Variants in GTF2IRD1 observed in about 807,000 individuals in gnomAD.
GTF2IRD1 encodes general transcription factor II-I repeat domain-containing protein 1.
A neutral mutation model predicts 113.2 loss-of-function variants in GTF2IRD1; 26 were observed. The observed-to-expected ratio is 0.23, with a 90% CI of 0.17 to 0.32. The LOEUF (loss-of-function observed/expected upper bound fraction) is 0.32. Among genes scored for constraint, GTF2IRD1 ranks in the 10% least tolerant of loss-of-function variants. The pLI, the probability that GTF2IRD1 is intolerant of heterozygous loss-of-function variation, is 1.00. For missense variants in GTF2IRD1, 864 were observed against 1,280.8 expected (o/e 0.67, Z 4.97); for synonymous variants, 484 against 529.1 (o/e 0.91, Z 1.17).
intron 22 of GTF2IRD1, among the ~76,000 whole-genome samples, chr7:74,569,270 C>G (rs1357368129): frequency 1.3e-5 from 2 of 152,236 alleles, no homozygotes; most frequent in Non-Finnish European, 2.9e-5. Context: ...GTGCCAGACC[C>G]TGTGCTGTGG....
At chr7:74,545,250 A>G (rs1798853857) in intron 15 of GTF2IRD1, among the ~76,000 whole-genome samples, 1 of 152,102 alleles carries the variant, frequency 6.6e-6, no homozygotes, top group African/African-American at 2.4e-5. Context: ...GAGGGAGGCC[A>G]GGGTGAGGGT....
chr7:74,469,407 T>TC (rs1554331807), intron 1 of GTF2IRD1, among the ~76,000 whole-genome samples: 1 of 151,994 alleles, frequency 6.6e-6, no homozygotes, highest in South Asian at 2.1e-4. Flanking sequence ...CCTAAGAATC[T>TC]CCCCCCATTA....
intron 8 of GTF2IRD1, among the ~76,000 whole-genome samples, chr7:74,525,546 G>A (rs1417320282): frequency 6.6e-6 from 1 of 152,172 alleles, no homozygotes; most frequent in Non-Finnish European, 1.5e-5. Flanking sequence ...GAGCTCGAGA[G>A]TTCGAGACCA....
chr7:74,510,676 A>G (rs1417329074), intron 2 of GTF2IRD1, among the ~76,000 whole-genome samples: 1 of 152,126 alleles, frequency 6.6e-6, no homozygotes, highest in Non-Finnish European at 1.5e-5. Context: ...GCCTCATTTT[A>G]CGTGCTCAGT....
chr7:74,529,926 G>A lies in GTF2IRD1; in HGVS notation c.1274+9G>A. 1 of 1,606,984 alleles carries A rather than the reference G, an allele frequency of 6.2e-7. No homozygotes were observed. Among genetic ancestry groups the A allele is most frequent in the African/African-American group, 1.3e-5 (1 of 74,922 alleles). ...CACTTCATCATTAAGAGGTGCGGGT[G>A]GGGCTGGGCGCAGTGGCTCATGCCT... On this transcript the variant is annotated intron_variant, in intron 9 of 26. Transcript: ENST00000424337.
At chr7:74,496,418 AATGTGTGTGCATGTGTGTATGCATTTGAG>A (rs1795700187) in intron 1 of GTF2IRD1, among the ~76,000 whole-genome samples, 3 of 125,782 alleles carry the variant, frequency 2.4e-5, no homozygotes, top group South Asian at 2.6e-4. Context: ...TGTGGGTGTC[AATGTGTGTGCATGTGTGTATGCATTTGAG>A]TGTGGGTGTG....
chr7:74,519,773 T>C lies in GTF2IRD1; in HGVS notation c.916+54T>C, dbSNP rs1440087306. The C allele has an allele frequency of 4.6e-6, 6 of 1,306,156 alleles. No individual in the cohort carries two copies. In the Admixed American group the frequency reaches 6.6e-5, roughly 14 times the overall value. 80.9% of individuals were successfully genotyped at this position (1,306,156 alleles called of 1,614,324 possible). ...TAGGGGGTGGGACAGAGGTCACTCA[T>C]GCAGGGGACAGCCTCCCAGGGCAGG... On this transcript the variant is annotated intron_variant, in intron 6 of 26. Transcript: ENST00000424337.
At chr7:74,596,190 G>A (rs782544117) in intron 25 of GTF2IRD1, among the ~76,000 whole-genome samples, 60 of 151,846 alleles carry the variant, frequency 4.0e-4, no homozygotes, top group Non-Finnish European at 2.8e-4. Flanking sequence ...GGCCGGGCGC[G>A]GTGGCTCACG....
intron 4 of GTF2IRD1, among the ~76,000 whole-genome samples, chr7:74,517,090 C>T (rs1347851074): frequency 3.3e-5 from 5 of 151,798 alleles, no homozygotes; most frequent in African/African-American, 1.2e-4. Flanking sequence ...ATGGCATGAT[C>T]TCGGCTCATT....
chr7:74,471,091 C>T (rs1794055088), intron 1 of GTF2IRD1, among the ~76,000 whole-genome samples: 1 of 152,226 alleles, frequency 6.6e-6, no homozygotes, highest in East Asian at 1.9e-4. Flanking sequence ...AGGCGTGAGC[C>T]ACCGTGCCCG....
chr7:74,479,316 A>T (rs936647285), intron 1 of GTF2IRD1, among the ~76,000 whole-genome samples: 4 of 151,196 alleles, frequency 2.6e-5, no homozygotes, highest in Admixed American at 1.3e-4. Context: ...TGCCCTGCAC[A>T]CTCCAGCCAT....
At chr7:74,568,673 A>G (rs7809313) in intron 22 of GTF2IRD1, among the ~76,000 whole-genome samples, 87,878 of 151,912 alleles carry the variant, frequency 0.58, 25,840 homozygotes, top group South Asian at 0.65. Flanking sequence ...GAAGAAGAAA[A>G]AGAAAGAAAC....
intron 1 of GTF2IRD1, among the ~76,000 whole-genome samples, chr7:74,491,161 A>G (rs1554336573): frequency 1.3e-5 from 2 of 151,844 alleles, no homozygotes; most frequent in African/African-American, 4.8e-5. Flanking sequence ...CAAAAATTAG[A>G]TGGGCGTGGT....
Position 74,520,929 on chromosome 7 carries a change from C to T in GTF2IRD1, c.917-279C>T, listed in dbSNP as rs782371206. 1.3e-4 allele frequency among the ~76,000 whole-genome samples: 19 copies of T among 150,116 alleles called. No individual in the cohort carries two copies. In the South Asian group the frequency reaches 2.5e-3, roughly 20 times the overall value. ...CAAATATGTGGGCTGACCAGGGCTT[C>T]GAACTTATACATGTAAAACAAGTGT... On this transcript the variant is annotated intron_variant, in intron 6 of 26. Transcript: ENST00000424337.
intron 22 of GTF2IRD1, among the ~76,000 whole-genome samples, chr7:74,567,096 G>C (rs1800366868): frequency 6.6e-6 from 1 of 152,180 alleles, no homozygotes. Context: ...TTGGGAGGCT[G>C]AGGCAGGCGG....
chr7:74,529,435 C>G (rs1015368673), intron 8 of GTF2IRD1, among the ~76,000 whole-genome samples: 1 of 151,782 alleles, frequency 6.6e-6, no homozygotes, highest in Non-Finnish European at 1.5e-5. Flanking sequence ...ATTTTACTTT[C>G]TGCAGAGATG....
At chr7:74,562,447 CT>C (rs1554359349) in intron 22 of GTF2IRD1, among the ~76,000 whole-genome samples, 1 of 151,898 alleles carries the variant, frequency 6.6e-6, no homozygotes, top group Non-Finnish European at 1.5e-5. Context: ...CCTTCACTTC[CT>C]TACCGCCAAG....
intron 1 of GTF2IRD1, among the ~76,000 whole-genome samples, chr7:74,465,504 A>G (rs1793650030): frequency 6.6e-6 from 1 of 152,164 alleles, no homozygotes; most frequent in African/African-American, 2.4e-5. Flanking sequence ...CTCATCTGAA[A>G]AAACAAGGAT....
chr7:74,583,379 T>TC (rs1341719729), intron 22 of GTF2IRD1, among the ~76,000 whole-genome samples: 1 of 148,694 alleles, frequency 6.7e-6, no homozygotes, highest in Admixed American at 6.7e-5. Flanking sequence ...TTCTTTTTTT[T>TC]TTTTTTTTTT....
Sources: gnomAD v4.1 joint callset for allele counts (sites outside exome capture counted in the v4.1 genomes callset) on GRCh38, gnomAD v4.1.1 for gene constraint, MANE v1.5 for transcripts, NCBI Gene and HGNC (gene_info 2026-07-23, HGNC 2026-07-21) for gene names.